Variants in PUM1 observed in about 807,000 individuals in gnomAD.
PUM1 encodes the protein pumilio RNA binding family member 1.
In PUM1, 13 loss-of-function variants were observed where a neutral mutation model predicts 131.8. The ratio of observed to expected loss-of-function variants is 0.10; its 90% CI spans 0.06 to 0.16. PUM1 has a LOEUF of 0.16. PUM1 is among the 10% of genes least tolerant of loss of function. PUM1 has a pLI of 1.00. For synonymous variants in PUM1, 509 were observed against 556.5 expected (o/e 0.91, Z 1.20); for missense variants, 961 against 1,512.4 (o/e 0.64, Z 6.05).
chr1:30,953,817 T>C lies in PUM1; in HGVS notation c.2488A>G (p.Ser830Gly). ...TTTCGAAAATCTTCCAAAAGCCTGCTCCTGCCAGAAGGCATGACATCAGAC... is the reference window on the plus strand; with the variant it reads ...TTTCGAAAATCTTCCAAAAGCCTGCCCCTGCCAGAAGGCATGACATCAGAC... Reference protein sequence around the residue: ...GMSDVMPSGRSRLLEDFRNNR... With the variant: ...GMSDVMPSGRGRLLEDFRNNR... The change falls in exon 15 of 22, where the codon AGC becomes GGC. Residue 830 changes from serine (S) to glycine (G), a missense_variant. Around this residue, in one of 4 missense-constraint regions of PUM1, gnomAD observed 117 missense variants for 200.7 expected, o/e 0.58. Coordinates refer to ENST00000426105, the MANE Select transcript of PUM1 (RefSeq NM_001020658.2). 2 of 1,614,208 alleles carry C rather than the reference T, an allele frequency of 1.2e-6. No individual in the cohort carries two copies. The highest frequency in any genetic ancestry group is 1.7e-6 in the Non-Finnish European group (2 of 1,180,038).
At chr1:31,038,461 G>T (rs151109047) in intron 2 of PUM1, among the ~76,000 whole-genome samples, 1 of 152,146 alleles carries the variant, frequency 6.6e-6, no homozygotes, top group Non-Finnish European at 1.5e-5. Flanking sequence ...AGTAACACCC[G>T]CCAAGTACCA....
At chr1:31,050,792 A>C (rs1220624777) in intron 2 of PUM1, 2 of 158,440 alleles carry the variant, frequency 1.3e-5, no homozygotes, top group African/African-American at 4.8e-5. Flanking sequence ...CCAGTTTAAC[A>C]TAGTAGTCCC....
At chr1:30,991,359 A>T (rs759981921) in intron 7 of PUM1, among the ~76,000 whole-genome samples, 1 of 152,198 alleles carries the variant, frequency 6.6e-6, no homozygotes, top group Non-Finnish European at 1.5e-5. Flanking sequence ...CCTTAAAGGT[A>T]TTTATTGTTC....
intron 3 of PUM1, among the ~76,000 whole-genome samples, chr1:31,025,545 C>CTTTTTTTTTT (rs35510099): frequency 2.3e-5 from 2 of 88,822 alleles, no homozygotes; most frequent in Non-Finnish European, 4.1e-5. Context: ...TGTTTTTTGT[C>CTTTTTTTTTT]TTTTTTTTTT....
At chr1:30,970,851 A>T (rs886424296) in intron 10 of PUM1, among the ~76,000 whole-genome samples, 4 of 152,188 alleles carry the variant, frequency 2.6e-5, no homozygotes, top group Non-Finnish European at 5.9e-5. Flanking sequence ...CACAGAATAT[A>T]AAGAAGTAGG....
rs771105617 is a variant in PUM1 at position 30,964,936 on chromosome 1, A to G, written c.2087-26T>C. 4 of 1,587,702 alleles carry G rather than the reference A, an allele frequency of 2.5e-6. 1 individual carries two copies. The highest frequency in any genetic ancestry group is 3.5e-6 in the Non-Finnish European group (4 of 1,156,044). ...CTAAAATGGAATTAAAACAATGCAG[A>G]TAAGAACAGGCCTGTTCTTCGAAGA... On this transcript the variant is annotated intron_variant, in intron 13 of 21. Coordinates refer to ENST00000426105, the MANE Select transcript of PUM1 (RefSeq NM_001020658.2).
chr1:30,993,975 T>A (rs1641894921), intron 6 of PUM1, among the ~76,000 whole-genome samples: 1 of 152,070 alleles, frequency 6.6e-6, no homozygotes, highest in African/African-American at 2.4e-5. Context: ...GAGGCTGAAG[T>A]GGGAAGACTG....
At chr1:31,034,089 A>C (rs1012032235) in intron 2 of PUM1, among the ~76,000 whole-genome samples, 7 of 152,272 alleles carry the variant, frequency 4.6e-5, no homozygotes, top group African/African-American at 1.7e-4. Context: ...AAAAAGCAGA[A>C]TAAAGCAAAC....
chr1:31,036,941 G>C (rs1257541360), intron 2 of PUM1: 6 of 162,862 alleles, frequency 3.7e-5, no homozygotes, highest in Non-Finnish European at 5.5e-5. Flanking sequence ...AACCATATGA[G>C]AGAAGGTAAA....
At chr1:30,989,571 CAAA>C (rs1174565063) in intron 7 of PUM1, among the ~76,000 whole-genome samples, 37 of 27,696 alleles carry the variant, frequency 1.3e-3, no homozygotes, top group African/African-American at 3.8e-3. Flanking sequence ...GACTCCGTCT[CAAA>C]AAAAAAAAAA....
chr1:30,966,591 A>T (rs572170310), intron 12 of PUM1, among the ~76,000 whole-genome samples: 1 of 152,192 alleles, frequency 6.6e-6, no homozygotes, highest in Non-Finnish European at 1.5e-5. Flanking sequence ...AATTCCATAA[A>T]TATCTATGTT....
chr1:30,983,758 AT>A (rs386353877), intron 7 of PUM1, among the ~76,000 whole-genome samples: 44,117 of 129,454 alleles, frequency 0.34, 6,861 homozygotes, highest in East Asian at 0.52. Context: ...CACGCCTGGC[AT>A]TTTTTTTTTT....
chr1:31,020,945 A>G (rs962952330), intron 3 of PUM1, among the ~76,000 whole-genome samples: 1 of 152,228 alleles, frequency 6.6e-6, no homozygotes, highest in Non-Finnish European at 1.5e-5. Context: ...TACACACAAC[A>G]TAGTTTAATA....
At chr1:31,053,852 T>A (rs1009837197) in intron 2 of PUM1, among the ~76,000 whole-genome samples, 11 of 151,970 alleles carry the variant, frequency 7.2e-5, no homozygotes, top group Admixed American at 7.2e-4. Flanking sequence ...CCCAGCACTT[T>A]GGGAGGCCGA....
chr1:31,061,526 G>A (rs1036979064), intron 1 of PUM1: 1 of 151,932 alleles, frequency 6.6e-6, no homozygotes, highest in Admixed American at 6.6e-5. Flanking sequence ...TGAGGCAGGA[G>A]AATCACTTGA....
intron 20 of PUM1, 133 bp downstream of exon 20, chr1:30,941,018 C>G (rs1639419417): frequency 4.7e-6 from 5 of 1,071,934 alleles, no homozygotes; most frequent in Non-Finnish European, 6.4e-6. Context: ...TGTAATAAAA[C>G]TATTTGACTT....
intron 3 of PUM1, among the ~76,000 whole-genome samples, chr1:31,008,398 GAAA>G (rs11286507): frequency 1.4e-5 from 2 of 145,250 alleles, no homozygotes; most frequent in South Asian, 4.3e-4. Context: ...ACAAGATTGA[GAAA>G]AAAAAAAAAC....
chr1:30,962,694 G>A (rs747837481), intron 14 of PUM1, among the ~76,000 whole-genome samples: 6 of 152,130 alleles, frequency 3.9e-5, no homozygotes, highest in East Asian at 1.9e-4. Context: ...TTACAGATGT[G>A]AGCCATCATG....
chr1:30,938,952 C>G (rs200996512), intron 20 of PUM1, among the ~76,000 whole-genome samples: 2 of 149,732 alleles, frequency 1.3e-5, no homozygotes, highest in Non-Finnish European at 3.0e-5. Context: ...GACAGATAGA[C>G]AGATAGACAG....
Sources: allele counts gnomAD v4.1 joint callset (sites outside exome capture counted in the v4.1 genomes callset), GRCh38; gene constraint gnomAD v4.1.1; regional missense constraint gnomAD v4.1.1; transcripts MANE v1.5; gene names NCBI Gene and HGNC (gene_info 2026-07-23, HGNC 2026-07-21).